Variants in CYSTM1 observed in about 807,000 individuals in gnomAD.
CYSTM1 encodes the protein cysteine rich transmembrane module containing 1, also known as cysteine-rich transmembrane module-containing protein 1.
Under a neutral mutation model 13.1 loss-of-function variants are expected in CYSTM1, and 4 were observed. That is an observed-to-expected ratio of 0.31 (90% confidence interval 0.15 to 0.70). The LOEUF is 0.70. Ranked by LOEUF, CYSTM1 falls within the 30% of genes least tolerant of loss-of-function variation. The pLI is 0.72. For missense variants in CYSTM1, 96 were observed against 121.6 expected (o/e 0.79, Z 0.99); for synonymous variants, 36 against 42.7 (o/e 0.84, Z 0.62).
At chr5:140,212,983 G>GTGTATGTATATATATATATA (rs1405430820) in intron 2 of CYSTM1, among the ~76,000 whole-genome samples, 2 of 114,294 alleles carry the variant, frequency 1.7e-5, no homozygotes, top group African/African-American at 6.2e-5. Flanking sequence ...CAAAACAAAA[G>GTGTATGTATATATATATATA]TATATATATA....
chr5:140,231,107 ATTTAT>A (rs1446095272), intron 2 of CYSTM1, among the ~76,000 whole-genome samples: 18 of 152,124 alleles, frequency 1.2e-4, no homozygotes, highest in South Asian at 8.3e-4. Flanking sequence ...TAATCTCTCA[ATTTAT>A]TTTTGTCTTC....
chr5:140,196,005 A>G (rs140082255), intron 2 of CYSTM1, among the ~76,000 whole-genome samples: 280 of 143,556 alleles, frequency 2.0e-3, no homozygotes, highest in African/African-American at 6.9e-3. Flanking sequence ...AGGTCACACC[A>G]TGCACTCTAG....
At chr5:140,192,010 G>A (rs530092200) in intron 1 of CYSTM1, among the ~76,000 whole-genome samples, 7 of 152,284 alleles carry the variant, frequency 4.6e-5, no homozygotes, top group South Asian at 4.1e-4. Flanking sequence ...AGACCAGAGC[G>A]CAGAGAAGGG....
At chr5:140,184,472 G>A (rs1763993713) in intron 1 of CYSTM1, among the ~76,000 whole-genome samples, 1 of 151,756 alleles carries the variant, frequency 6.6e-6, no homozygotes, top group African/African-American at 2.4e-5. Context: ...TCAAAGGATA[G>A]GGTGTTTTTA....
chr5:140,235,029 C>T (rs1237462120), intron 2 of CYSTM1, among the ~76,000 whole-genome samples: 2 of 150,308 alleles, frequency 1.3e-5, no homozygotes, highest in African/African-American at 2.5e-5. Flanking sequence ...TTCAGTGGCG[C>T]GATCTCGGCT....
chr5:140,183,281 C>A (rs988111186), intron 1 of CYSTM1, among the ~76,000 whole-genome samples: 1 of 152,104 alleles, frequency 6.6e-6, no homozygotes, highest in Non-Finnish European at 1.5e-5. Flanking sequence ...TCTCTCCATG[C>A]CCTAACCGCT....
chr5:140,182,611 T>TG (rs1763972007), intron 1 of CYSTM1, among the ~76,000 whole-genome samples: 5 of 151,038 alleles, frequency 3.3e-5, no homozygotes, highest in African/African-American at 1.2e-4. Context: ...AGATCTTTCT[T>TG]GGGGGGCAGG....
At chr5:140,191,305 C>A (rs1764093264) in intron 1 of CYSTM1, among the ~76,000 whole-genome samples, 1 of 151,706 alleles carries the variant, frequency 6.6e-6, no homozygotes, top group Admixed American at 6.6e-5. Context: ...GTAGCTGGAG[C>A]ACCTTTGTAG....
intron 2 of CYSTM1, 126 bp from the exon 3 acceptor site, chr5:140,243,179 C>T (rs1372364912): frequency 4.1e-6 from 3 of 733,882 alleles, no homozygotes; most frequent in African/African-American, 1.8e-5. Flanking sequence ...GGCAGGAACA[C>T]GGTTTCACCA....
chr5:140,226,658 T>C (rs1403298461), intron 2 of CYSTM1, among the ~76,000 whole-genome samples: 166 of 133,058 alleles, frequency 1.2e-3, no homozygotes, highest in African/African-American at 4.6e-3. Flanking sequence ...CCCAGCTACT[T>C]GGGAGGCTGA....
intron 1 of CYSTM1, among the ~76,000 whole-genome samples, chr5:140,188,561 G>A (rs981555464): frequency 5.3e-5 from 8 of 152,050 alleles, no homozygotes; most frequent in African/African-American, 1.7e-4. Flanking sequence ...GGAGGCCGAG[G>A]CGGGCGGATC....
intron 2 of CYSTM1, among the ~76,000 whole-genome samples, chr5:140,221,340 T>C (rs1764486470): frequency 6.6e-6 from 1 of 152,236 alleles, no homozygotes; most frequent in Admixed American, 6.5e-5. Flanking sequence ...CTTCCCAAAC[T>C]GAAACTGTGT....
At chr5:140,210,704 G>A (rs1821256) in intron 2 of CYSTM1, among the ~76,000 whole-genome samples, 1 of 151,894 alleles carries the variant, frequency 6.6e-6, no homozygotes, top group Admixed American at 6.6e-5. Context: ...TAGAGACAGG[G>A]TCTCGCTCTG....
At chr5:140,236,835 T>C (rs1263575885) in intron 2 of CYSTM1, among the ~76,000 whole-genome samples, 2 of 152,182 alleles carry the variant, frequency 1.3e-5, no homozygotes, top group Admixed American at 6.5e-5. Context: ...CTTTTGTTGG[T>C]CATAGTTTTT....
chr5:140,210,917 C>T (rs976742806), intron 2 of CYSTM1, among the ~76,000 whole-genome samples: 4 of 152,044 alleles, frequency 2.6e-5, no homozygotes, highest in African/African-American at 9.7e-5. Flanking sequence ...TTTCTGATGG[C>T]CTGCTGAGGG....
At chr5:140,215,777 G>T (rs2126665507) in intron 2 of CYSTM1, among the ~76,000 whole-genome samples, 1 of 152,164 alleles carries the variant, frequency 6.6e-6, no homozygotes, top group Non-Finnish European at 1.5e-5. Context: ...GTATGTTGGT[G>T]TAGGGTGGGA....
At chr5:140,183,158 G>A (rs544626780) in intron 1 of CYSTM1, among the ~76,000 whole-genome samples, 111 of 152,336 alleles carry the variant, frequency 7.3e-4, no homozygotes, top group Non-Finnish European at 1.2e-3. Context: ...GGCTGGGCTG[G>A]CAGGGGACCT....
At chr5:140,225,740 G>T (rs1204007868) in intron 2 of CYSTM1, among the ~76,000 whole-genome samples, 1 of 152,170 alleles carries the variant, frequency 6.6e-6, no homozygotes, top group Admixed American at 6.5e-5. Flanking sequence ...CCTAGGCAGG[G>T]CCTTCGGTTC....
rs373452896 is a variant in CYSTM1, at chr5:140,220,014, T to C, written c.188-23291T>C. Among the ~76,000 whole-genome samples, 15 of 152,324 alleles carry C rather than the reference T, an allele frequency of 9.8e-5. No individual in the cohort carries two copies. In the East Asian group the frequency reaches 2.9e-3, roughly 29 times the overall value. ...GCCTGAAAACCAGGAGGAAATCATT[T>C]CCCTGATTTCTGTTTAGCCTTCTAA... On this transcript the variant is annotated intron_variant, in intron 2 of 2. Coordinates refer to ENST00000261811, the MANE Select transcript of CYSTM1 (RefSeq NM_032412.4).
Sources: gnomAD v4.1 joint callset for allele counts (sites outside exome capture counted in the v4.1 genomes callset) on GRCh38, gnomAD v4.1.1 for gene constraint, MANE v1.5 for transcripts, NCBI Gene and HGNC (gene_info 2026-07-23, HGNC 2026-07-21) for gene names.